Variants in ABCA1 observed in about 807,000 individuals in gnomAD.
The protein encoded by ABCA1 is ATP binding cassette subfamily A member 1, also known as phospholipid-transporting ATPase ABCA1.
Under a neutral mutation model 262.5 loss-of-function variants are expected in ABCA1, and 133 were observed. That is an observed-to-expected ratio of 0.51 (90% CI 0.44 to 0.59). ABCA1 has a LOEUF of 0.59. Ranked by LOEUF, ABCA1 falls within the 20% of genes least tolerant of loss-of-function variation. ABCA1 has a pLI of 0.00. For missense variants in ABCA1, 2,452 were observed against 2,777.5 expected (o/e 0.88, Z 2.63); for synonymous variants, 1,022 against 1,043.5 (o/e 0.98, Z 0.40).
intron 7 of ABCA1, among the ~76,000 whole-genome samples, chr9:104,851,337 C>T (rs746938683): frequency 6.6e-6 from 1 of 152,288 alleles, no homozygotes; most frequent in East Asian, 1.9e-4. Context: ...TCACATGGCT[C>T]GTGAAGAAAG....
At chr9:104,862,408 C>T (rs756526083) in intron 5 of ABCA1, among the ~76,000 whole-genome samples, 1 of 92,952 alleles carries the variant, frequency 1.1e-5, no homozygotes. Context: ...CATGCCCGGT[C>T]TTTCTCTTCT....
Position 104,845,592 on chromosome 9 carries a change from G to C in ABCA1, c.721-23C>G, listed in dbSNP as rs186101041. The C allele has an allele frequency of 6.5e-5, 98 of 1,503,450 alleles. No individual in the cohort carries two copies. In the East Asian group the frequency reaches 1.5e-3, roughly 24 times the overall value. 93.1% of individuals were successfully genotyped at this position (1,503,450 alleles called of 1,614,324 possible). A position where few individuals can be genotyped will look rare whatever the true frequency, so the allele number is the denominator to read the frequency against. On this transcript the variant is annotated intron_variant, in intron 7 of 49. Coordinates refer to ENST00000374736, the MANE Select transcript of ABCA1 (RefSeq NM_005502.4). ...TCTCTGTAATGAGAAAGAAAACTTT[G>C]TTTCTGAATTCAAATGTAAACCTGA...
chr9:104,865,216 C>T (rs898363589), intron 5 of ABCA1, among the ~76,000 whole-genome samples: 2 of 152,174 alleles, frequency 1.3e-5, no homozygotes, highest in Admixed American at 6.5e-5. Context: ...AAAGCCCAGG[C>T]CACACCATGG....
At chr9:104,876,901 C>T (rs1039347152) in intron 5 of ABCA1, among the ~76,000 whole-genome samples, 5 of 152,164 alleles carry the variant, frequency 3.3e-5, no homozygotes, top group African/African-American at 1.2e-4. Context: ...CAGGTGGGGG[C>T]CTGAGGCTGA....
At chr9:104,805,923 G>A (rs1411862298) in intron 31 of ABCA1, among the ~76,000 whole-genome samples, 4 of 152,124 alleles carry the variant, frequency 2.6e-5, no homozygotes, top group East Asian at 1.9e-4. Context: ...TAGCCAACAC[G>A]GCGAAACCCT....
At position 104,842,900 on chromosome 9, in the gene ABCA1, T is replaced by C. The variant is rs191111506; in HGVS notation, c.814-2381A>G. Among the ~76,000 whole-genome samples, 9 of 152,268 alleles carry C rather than the reference T, an allele frequency of 5.9e-5. No homozygotes were observed. The East Asian group carries it at 1.7e-3, about 29-fold the overall frequency. On this transcript the variant is annotated intron_variant, in intron 8 of 49. Coordinates refer to ENST00000374736, the MANE Select transcript of ABCA1 (RefSeq NM_005502.4). ...GGCCTGTATGGCACTCACCTCCTCC[T>C]GCTCTGAGCTCCTCTCCTCCCCCCA...
intron 7 of ABCA1, chr9:104,856,121 C>T (rs763144933): frequency 1.3e-5 from 20 of 1,559,256 alleles, no homozygotes; most frequent in African/African-American, 2.7e-5. Flanking sequence ...TTCAACCAAG[C>T]AGCAATAGAA....
chr9:104,806,747 A>G (rs1384240531), intron 30 of ABCA1, among the ~76,000 whole-genome samples: 2 of 152,230 alleles, frequency 1.3e-5, no homozygotes, highest in African/African-American at 2.4e-5. Flanking sequence ...TTCGTTGAGC[A>G]TCTACTACGT....
intron 1 of ABCA1, among the ~76,000 whole-genome samples, chr9:104,909,654 A>ACACACACACACACG (rs770801372): frequency 4.8e-5 from 7 of 146,508 alleles, no homozygotes; most frequent in African/African-American, 1.8e-4. Flanking sequence ...ACACACACAC[A>ACACACACACACACG]TTCACAGGAA....
chr9:104,785,944 T>C (rs894024732), intron 48 of ABCA1, among the ~76,000 whole-genome samples: 2 of 152,198 alleles, frequency 1.3e-5, no homozygotes, highest in Non-Finnish European at 2.9e-5. Flanking sequence ...AGCTCATAAT[T>C]GGTAGGGCCA....
intron 42 of ABCA1, among the ~76,000 whole-genome samples, chr9:104,792,454 T>C (rs770296693): frequency 6.6e-5 from 10 of 152,326 alleles, no homozygotes; most frequent in South Asian, 2.1e-4. Context: ...TTTTGGACTA[T>C]GAAACTCAAA....
chr9:104,824,653 T>C, intron 17 of ABCA1, 75 bp from the exon 18 acceptor site: 1 of 1,529,368 alleles, frequency 6.5e-7, no homozygotes, highest in Non-Finnish European at 9.0e-7. Flanking sequence ...CCAGGTCCAT[T>C]TCCTCCTTGA....
chr9:104,920,126 GA>G (rs1453958744), intron 1 of ABCA1, among the ~76,000 whole-genome samples: 1 of 152,168 alleles, frequency 6.6e-6, no homozygotes, highest in Non-Finnish European at 1.5e-5. Flanking sequence ...CTAAAAAACA[GA>G]AAAGTAAAAT....
chr9:104,806,807 T>A (rs535073207), intron 30 of ABCA1, among the ~76,000 whole-genome samples: 64 of 152,250 alleles, frequency 4.2e-4, no homozygotes, highest in African/African-American at 1.5e-3. Flanking sequence ...AATACCTGCC[T>A]TCATGGAGGT....
intron 5 of ABCA1, among the ~76,000 whole-genome samples, chr9:104,862,699 C>CG (rs1333348670): frequency 4.7e-4 from 4 of 8,460 alleles, no homozygotes; most frequent in Non-Finnish European, 7.4e-4. Flanking sequence ...CGGGCCGGGC[C>CG]GGCCCCCACC....
chr9:104,809,650 T>C, intron 29 of ABCA1, 86 bp from the exon 30 acceptor site: 1 of 1,195,722 alleles, frequency 8.4e-7, no homozygotes. Flanking sequence ...ATTAAACATT[T>C]TAGGAAGCAT....
intron 11 of ABCA1, 39 bp from the exon 12 acceptor site, chr9:104,832,810 A>G: frequency 6.3e-7 from 1 of 1,595,784 alleles, no homozygotes; most frequent in Non-Finnish European, 8.6e-7. Context: ...GTAAACACCA[A>G]CTAAATCTTG....
chr9:104,859,499 A>T (rs1290318376), intron 6 of ABCA1, among the ~76,000 whole-genome samples: 1 of 151,470 alleles, frequency 6.6e-6, no homozygotes, highest in East Asian at 1.9e-4. Flanking sequence ...CAGACTCTTT[A>T]TTACACCATT....
intron 1 of ABCA1, among the ~76,000 whole-genome samples, chr9:104,925,318 A>G (rs1842365406): frequency 8.6e-6 from 1 of 116,946 alleles, no homozygotes; most frequent in Admixed American, 8.2e-5. Context: ...TGGAGGTTGC[A>G]GTGAGCCATA....
Sources: allele counts gnomAD v4.1 joint callset (sites outside exome capture counted in the v4.1 genomes callset), GRCh38; gene constraint gnomAD v4.1.1; transcripts MANE v1.5; gene names NCBI Gene and HGNC (gene_info 2026-07-23, HGNC 2026-07-21).